DAB1: variants seen among roughly 807,000 people sequenced by gnomAD.
The protein encoded by DAB1 is DAB adaptor protein 1.
A neutral mutation model predicts 64.6 loss-of-function variants in DAB1; 15 were observed. The ratio of observed to expected loss-of-function variants is 0.23; its 90% confidence interval spans 0.16 to 0.36. The LOEUF (loss-of-function observed/expected upper bound fraction) is 0.36. DAB1 is among the 10% of genes least tolerant of loss of function. The pLI is 1.00. For missense variants in DAB1, 596 were observed against 706.7 expected (o/e 0.84, Z 1.78); for synonymous variants, 235 against 251.9 (o/e 0.93, Z 0.64).
chr1:58,405,412 C>CTG (rs1041699298), intron 3 of DAB1, among the ~76,000 whole-genome samples: 1 of 152,014 alleles, frequency 6.6e-6, no homozygotes, highest in African/African-American at 2.4e-5. Flanking sequence ...GTTACCCAGG[C>CTG]TGTAGTTCAG....
chr1:57,375,459 T>C (rs1427600000), intron 1 of DAB1, among the ~76,000 whole-genome samples: 1 of 152,208 alleles, frequency 6.6e-6, no homozygotes, highest in Non-Finnish European at 1.5e-5. Flanking sequence ...AAGAGTTATA[T>C]GATGCTTGCT....
At chr1:58,048,383 C>T (rs1235544915) in intron 5 of DAB1, 3 of 938,330 alleles carry the variant, frequency 3.2e-6, no homozygotes, top group African/African-American at 3.2e-5. Context: ...TCCAAAACTG[C>T]TTCCACTGCC....
chr1:57,757,198 A>ATTTTTTTTT (rs375166170), intron 6 of DAB1, among the ~76,000 whole-genome samples: 1 of 90,070 alleles, frequency 1.1e-5, no homozygotes. Flanking sequence ...CAGGGGCAGA[A>ATTTTTTTTT]TTTTTTTTTT....
intron 7 of DAB1, among the ~76,000 whole-genome samples, chr1:57,601,569 G>C (rs1375208563): frequency 2.0e-5 from 3 of 152,044 alleles, no homozygotes; most frequent in Non-Finnish European, 4.4e-5. Flanking sequence ...CTCCAGCCTG[G>C]GCGACAGAGC....
intron 6 of DAB1, among the ~76,000 whole-genome samples, chr1:57,716,788 G>T: frequency 6.6e-6 from 1 of 152,198 alleles, no homozygotes; most frequent in East Asian, 1.9e-4. Flanking sequence ...TCAGTAAAGT[G>T]AAGAGACCAA....
At position 57,617,567 on chromosome 1, in the gene DAB1, G is replaced by T. The variant is rs368590157; in HGVS notation, n.625+32025C>A. Among the ~76,000 whole-genome samples, 9 of 152,130 alleles carry T rather than the reference G, an allele frequency of 5.9e-5. No individual in the cohort carries two copies. The South Asian group carries it at 1.9e-3, about 32-fold the overall frequency. On this transcript the variant is annotated intron_variant and non_coding_transcript_variant, in intron 7 of 20. Transcript: ENST00000485760. ...ATGCCATCTTAAAATTGTCACCTCCGCAATTCAAGCAACACTTCCACTCCT... is the reference window on the plus strand; with the variant it reads ...ATGCCATCTTAAAATTGTCACCTCCTCAATTCAAGCAACACTTCCACTCCT...
At chr1:57,399,095 C>CT (rs112753307) in intron 1 of DAB1, among the ~76,000 whole-genome samples, 1 of 151,714 alleles carries the variant, frequency 6.6e-6, no homozygotes, top group Non-Finnish European at 1.5e-5. Flanking sequence ...AGTTGAGGAA[C>CT]TTTTTTTTTC....
intron 2 of DAB1, among the ~76,000 whole-genome samples, chr1:57,232,493 G>C (rs1377840084): frequency 6.6e-6 from 1 of 151,966 alleles, no homozygotes; most frequent in South Asian, 2.1e-4. Context: ...AAGAGAGATG[G>C]TTCCTCCTGC....
intron 2 of DAB1, among the ~76,000 whole-genome samples, chr1:57,195,984 G>A (rs1321779546): frequency 6.6e-6 from 1 of 152,054 alleles, no homozygotes; most frequent in African/African-American, 2.4e-5. Flanking sequence ...TGTGGAGAAT[G>A]AAAACATGTA....
chr1:57,966,669 T>A (rs1192368299), intron 5 of DAB1, among the ~76,000 whole-genome samples: 2 of 152,174 alleles, frequency 1.3e-5, no homozygotes, highest in East Asian at 3.9e-4. Flanking sequence ...ACAGAGGCCT[T>A]AACTCGAATG....
At chr1:58,083,322 C>T (rs955149211) in intron 5 of DAB1, among the ~76,000 whole-genome samples, 1 of 152,194 alleles carries the variant, frequency 6.6e-6, no homozygotes, top group Non-Finnish European at 1.5e-5. Context: ...GGGAGTCCCC[C>T]GTTACCATGT....
At chr1:58,265,488 T>C (rs964005764) in intron 4 of DAB1, among the ~76,000 whole-genome samples, 6 of 152,352 alleles carry the variant, frequency 3.9e-5, no homozygotes, top group African/African-American at 1.4e-4. Flanking sequence ...TCCATTGACA[T>C]TGCACTGTAG....
At chr1:57,855,707 G>A (rs1034659442) in intron 1 of DAB1, among the ~76,000 whole-genome samples, 3 of 152,186 alleles carry the variant, frequency 2.0e-5, no homozygotes, top group African/African-American at 7.2e-5. Context: ...AAGAAGAAAA[G>A]TGGTAGGTGG....
rs17115939 is a variant in DAB1, at chr1:57,534,585, C to A, written n.625+115007G>T. 2.6e-5 allele frequency among the ~76,000 whole-genome samples: 4 copies of A among 152,278 alleles called. No homozygotes were observed. The South Asian group carries it at 8.3e-4, about 32-fold the overall frequency. ...CTCCCAGTTCATAAGGGAGAGCCCA[C>A]GCTGTGAAGTAGTAGGGATTATTTT... On this transcript the variant is annotated intron_variant and non_coding_transcript_variant, in intron 7 of 20. Transcript: ENST00000485760.
At position 57,812,564 on chromosome 1, in the gene DAB1, C is replaced by T. The variant is rs577691186; in HGVS notation, n.551+71435G>A. 6.6e-5 allele frequency among the ~76,000 whole-genome samples: 10 copies of T among 152,240 alleles called. No homozygotes were observed. The East Asian group carries it at 7.7e-4, about 12-fold the overall frequency. ...CCCAAGGAATTTGACAAGTGGGCTC[C>T]GCAGCTGCCAGACAGGCAGGAATAC... On this transcript the variant is annotated intron_variant and non_coding_transcript_variant, in intron 6 of 20. Transcript: ENST00000485760.
At chr1:57,280,855 A>G (rs1224707260) in intron 2 of DAB1, among the ~76,000 whole-genome samples, 1 of 152,188 alleles carries the variant, frequency 6.6e-6, no homozygotes, top group Non-Finnish European at 1.5e-5. Context: ...ATTCTCCCCC[A>G]CATTATATAA....
chr1:58,339,671 T>C (rs543938455), intron 4 of DAB1, among the ~76,000 whole-genome samples: 19 of 152,172 alleles, frequency 1.2e-4, no homozygotes, highest in Non-Finnish European at 2.1e-4. Context: ...AGCTTAATCT[T>C]TCTCTTTTTT....
intron 2 of DAB1, among the ~76,000 whole-genome samples, chr1:57,254,812 T>TTAAATATTTGGGATAA (rs1553161337): frequency 5.9e-5 from 9 of 151,822 alleles, no homozygotes; most frequent in Non-Finnish European, 1.2e-4. Flanking sequence ...ATTTGGGATA[T>TTAAATATTTGGGATAA]TTCCCTCCAA....
chr1:58,079,832 T>C (rs1005532244), intron 5 of DAB1, among the ~76,000 whole-genome samples: 1 of 152,146 alleles, frequency 6.6e-6, no homozygotes, highest in African/African-American at 2.4e-5. Context: ...CATACCATCT[T>C]TTAATTGCCT....
Sources: allele counts gnomAD v4.1 joint callset (sites outside exome capture counted in the v4.1 genomes callset), GRCh38; gene constraint gnomAD v4.1.1; transcripts MANE v1.5; gene names NCBI Gene and HGNC (gene_info 2026-07-23, HGNC 2026-07-21).